MORC3: variants seen among roughly 807,000 people sequenced by gnomAD.
MORC3 encodes the protein MORC family CW-type zinc finger protein 3.
A neutral mutation model predicts 109.1 loss-of-function variants in MORC3; 31 were observed. The ratio of observed to expected loss-of-function variants is 0.28; its 90% CI spans 0.21 to 0.38. The LOEUF (loss-of-function observed/expected upper bound fraction) is 0.38. MORC3 is among the 10% of genes least tolerant of loss of function. MORC3 has a pLI of 1.00. For missense variants in MORC3, 867 were observed against 1,135.8 expected, an observed-to-expected ratio of 0.76 and a Z score of 3.40; for synonymous variants, 395 against 380.7, an observed-to-expected ratio of 1.04 and a Z score of -0.44.
intron 8 of MORC3, among the ~76,000 whole-genome samples, chr21:36,346,368 G>A (rs2085507652): frequency 1.3e-5 from 2 of 152,126 alleles, no homozygotes; most frequent in South Asian, 2.1e-4. Context: ...GGTGGGGACA[G>A]AATATTTCTT....
intron 6 of MORC3, among the ~76,000 whole-genome samples, chr21:36,342,667 G>T (rs1248989375): frequency 6.6e-6 from 1 of 151,948 alleles, no homozygotes; most frequent in Non-Finnish European, 1.5e-5. Context: ...GCCTCCCAAA[G>T]TGCTGGGATT....
intron 6 of MORC3, among the ~76,000 whole-genome samples, 184 bp downstream of exon 6, chr21:36,341,730 C>T (rs1181255690): frequency 6.6e-6 from 1 of 152,160 alleles, no homozygotes; most frequent in Non-Finnish European, 1.5e-5. Flanking sequence ...CACACACACA[C>T]ACAAATTTAG....
chr21:36,362,359 A>T, intron 13 of MORC3, 131 bp downstream of exon 13: 1 of 972,624 alleles, frequency 1.0e-6, no homozygotes, highest in Non-Finnish European at 1.5e-6. Context: ...CCTGGCCAAC[A>T]TGGTGAAACC....
intron 6 of MORC3, among the ~76,000 whole-genome samples, chr21:36,343,952 C>CTAG: frequency 6.6e-6 from 1 of 151,772 alleles, no homozygotes; most frequent in East Asian, 1.9e-4. Flanking sequence ...TAATGTGTTC[C>CTAG]TAGTGTTGAA....
chr21:36,360,490 C>T (rs973881940), intron 12 of MORC3: 25 of 562,020 alleles, frequency 4.4e-5, no homozygotes, highest in Non-Finnish European at 7.6e-5. Flanking sequence ...TAAGAGCAGT[C>T]TGCTGTTGTG....
chr21:36,373,964 T>C (rs1359882001), intron 16 of MORC3, among the ~76,000 whole-genome samples: 1 of 152,206 alleles, frequency 6.6e-6, no homozygotes, highest in Non-Finnish European at 1.5e-5. Context: ...AATGTTGATA[T>C]TCATAAACTT....
At chr21:36,354,588 C>T (rs934444024) in intron 9 of MORC3, among the ~76,000 whole-genome samples, 6 of 152,192 alleles carry the variant, frequency 3.9e-5, no homozygotes, top group Non-Finnish European at 5.9e-5. Flanking sequence ...CAGGCGTGAG[C>T]CACCGTGCCC....
rs1298688142 is a variant in MORC3, at chr21:36,341,399, C to G, written c.609C>G (p.Ser203Arg). 2.5e-6 allele frequency: 4 copies of G among 1,595,106 alleles called. No individual in the cohort carries two copies. The change falls in exon 6 of 17, where the codon AGC (serine) becomes AGG (arginine). Residue 203 changes from serine (S) to arginine (R), a missense_variant and splice_region_variant. By Grantham distance (110) the Ser-to-Arg change is moderately radical. This residue lies in a region of MORC3 where 134 missense variants were observed against 166.6 expected (regional missense o/e 0.80). Transcript: ENST00000400485. ...TTCTTTCTAAAAATTATTTTTACAG[C>G]TACAAAAATGCAACAGAGTTCGATT... is the stretch of plus-strand genomic sequence containing the variant. ...GTRIIIWNLRSYKNATEFDFE... is the reference protein window; with the variant it reads ...GTRIIIWNLRRYKNATEFDFE...
intron 13 of MORC3, among the ~76,000 whole-genome samples, chr21:36,362,979 G>A (rs2085737758): frequency 6.6e-6 from 1 of 151,988 alleles, no homozygotes; most frequent in Admixed American, 6.6e-5. Context: ...GTGCTAACCG[G>A]GACAAAAGCC....
chr21:36,358,033 G>A (rs1254522481), intron 10 of MORC3, among the ~76,000 whole-genome samples: 1 of 151,584 alleles, frequency 6.6e-6, no homozygotes, highest in East Asian at 2.0e-4. Context: ...GAGCCACCGC[G>A]CTCATCCTGT....
intron 1 of MORC3, among the ~76,000 whole-genome samples, chr21:36,325,059 A>G (rs1268303163): frequency 6.6e-6 from 1 of 152,188 alleles, no homozygotes; most frequent in Admixed American, 6.5e-5. Flanking sequence ...CAAAATTTTC[A>G]TACATGAATA....
Position 36,362,533 on chromosome 21 carries a change from A to T in MORC3, c.1452+305A>T, listed in dbSNP as rs985807438. On this transcript the variant is annotated intron_variant, in intron 13 of 16. Transcript: ENST00000400485. ...ACTGCGGTCTGGGCCACAGAGCGAGACTTCCATCTCAAAAAATAAATAAAA... is the reference window on the plus strand; with the variant it reads ...ACTGCGGTCTGGGCCACAGAGCGAGTCTTCCATCTCAAAAAATAAATAAAA... Among the ~76,000 whole-genome samples the T allele has an allele frequency of 3.9e-5, 6 of 152,140 alleles. No homozygotes were observed. The East Asian group carries it at 1.2e-3, about 29-fold the overall frequency.
At chr21:36,320,643 T>C (rs2146279083) in intron 1 of MORC3, 2 of 253,404 alleles carry the variant, frequency 7.9e-6, no homozygotes, top group East Asian at 7.2e-5. Context: ...GCGGGGCCCC[T>C]GACCCTCTTC....
At chr21:36,337,562 G>A (rs2085388023) in intron 3 of MORC3, among the ~76,000 whole-genome samples, 170 bp from the exon 4 acceptor site, 1 of 151,962 alleles carries the variant, frequency 6.6e-6, no homozygotes, top group Admixed American at 6.6e-5. Flanking sequence ...CAACAAAAAA[G>A]TAATCTGCCC....
chr21:36,341,293 T>G, intron 5 of MORC3, 106 bp from the exon 6 acceptor site: 3 of 1,041,502 alleles, frequency 2.9e-6, no homozygotes, highest in Non-Finnish European at 4.1e-6. Flanking sequence ...ACGTGCACCA[T>G]GTGTAGGTTT....
chr21:36,340,103 C>G (rs986337504), intron 5 of MORC3, among the ~76,000 whole-genome samples: 33 of 152,128 alleles, frequency 2.2e-4, no homozygotes, highest in African/African-American at 7.9e-4. Context: ...ACGGCGAAAC[C>G]CTGTCTCTAC....
chr21:36,338,026 C>G, intron 4 of MORC3, 80 bp downstream of exon 4: 3 of 1,405,610 alleles, frequency 2.1e-6, no homozygotes, highest in South Asian at 1.2e-5. Flanking sequence ...TTGCCTTCTT[C>G]CAGATTATTC....
intron 6 of MORC3, 146 bp downstream of exon 6, chr21:36,341,692 C>T (rs1326323568): frequency 3.7e-6 from 4 of 1,089,522 alleles, no homozygotes; most frequent in Non-Finnish European, 5.3e-6. Flanking sequence ...CTGGCCCACT[C>T]AGCCTGGGCA....
At chr21:36,372,323 A>G (rs753575226) in intron 15 of MORC3, 51 bp from the exon 16 acceptor site, 9 of 1,443,238 alleles carry the variant, frequency 6.2e-6, no homozygotes, top group East Asian at 4.9e-5. Context: ...TCACTTTGCC[A>G]TTAGTATTTT....
Sources: gnomAD v4.1 joint callset for allele counts (sites outside exome capture counted in the v4.1 genomes callset) on GRCh38, gnomAD v4.1.1 for gene constraint, gnomAD v4.1.1 regional missense constraint, MANE v1.5 for transcripts, NCBI Gene and HGNC (gene_info 2026-07-23, HGNC 2026-07-21) for gene names.